The following LMBR1 variants were observed in gnomAD, a reference collection of about 807,000 sequenced individuals.
The protein encoded by LMBR1 is limb region 1 protein homolog.
Under a neutral mutation model 73.9 loss-of-function variants are expected in LMBR1, and 52 were observed. That is an observed-to-expected ratio of 0.70 (90% confidence interval 0.56 to 0.89). The LOEUF is 0.89. LMBR1 is among the 40% of genes least tolerant of loss of function. The pLI is 0.00. For synonymous variants in LMBR1, 215 were observed against 209.4 expected (o/e 1.03, Z -0.23); for missense variants, 539 against 579.8 (o/e 0.93, Z 0.72).
intron 15 of LMBR1, among the ~76,000 whole-genome samples, chr7:156,713,579 C>A (rs1451758955): frequency 6.6e-6 from 1 of 151,336 alleles, no homozygotes; most frequent in Non-Finnish European, 1.5e-5. Context: ...AAAAAAAAAA[C>A]AAAAGGCAAA....
intron 15 of LMBR1, among the ~76,000 whole-genome samples, chr7:156,723,221 T>C (rs778486559): frequency 4.6e-5 from 7 of 152,190 alleles, no homozygotes; most frequent in Non-Finnish European, 8.8e-5. Flanking sequence ...AAGCTTCTAC[T>C]TTCTTTGCAC....
chr7:156,716,458 G>T (rs138187971), intron 15 of LMBR1, among the ~76,000 whole-genome samples: 93 of 152,262 alleles, frequency 6.1e-4, no homozygotes, highest in African/African-American at 2.1e-3. Flanking sequence ...TCCAATGAAA[G>T]AGAATTATAA....
intron 1 of LMBR1, among the ~76,000 whole-genome samples, chr7:156,865,499 C>T (rs1798326327): frequency 6.6e-6 from 1 of 152,140 alleles, no homozygotes; most frequent in South Asian, 2.1e-4. Context: ...TGGGATAACA[C>T]TTCCCAAATT....
chr7:156,870,798 T>C (rs1799172199), intron 1 of LMBR1, among the ~76,000 whole-genome samples: 1 of 147,694 alleles, frequency 6.8e-6, no homozygotes, highest in Non-Finnish European at 1.5e-5. Flanking sequence ...AAAAACACAA[T>C]ATACCAAAAC....
chr7:156,825,167 GA>G (rs1474697676), intron 4 of LMBR1, among the ~76,000 whole-genome samples: 5 of 151,966 alleles, frequency 3.3e-5, no homozygotes, highest in Admixed American at 3.3e-4. Flanking sequence ...GTCAAAGGAG[GA>G]CATTTTACCA....
chr7:156,694,267 G>A (rs891650993), intron 15 of LMBR1, among the ~76,000 whole-genome samples: 1 of 151,990 alleles, frequency 6.6e-6, no homozygotes, highest in African/African-American at 2.4e-5. Context: ...CAGGTAGTTG[G>A]GACTATAGGC....
At chr7:156,787,333 A>C (rs950530005) in intron 5 of LMBR1, among the ~76,000 whole-genome samples, 24 of 152,266 alleles carry the variant, frequency 1.6e-4, no homozygotes, top group African/African-American at 5.8e-4. Context: ...TTCTTCAAAT[A>C]CTCAGAGATT....
chr7:156,839,612 G>A (rs1838285986), intron 1 of LMBR1, among the ~76,000 whole-genome samples: 1 of 152,174 alleles, frequency 6.6e-6, no homozygotes, highest in East Asian at 1.9e-4. Context: ...GTGGCCATAT[G>A]ACTGAGAACA....
chr7:156,746,716 C>T (rs1196643301), intron 9 of LMBR1, among the ~76,000 whole-genome samples: 1 of 151,980 alleles, frequency 6.6e-6, no homozygotes, highest in Non-Finnish European at 1.5e-5. Context: ...TAGAGCAATA[C>T]CTAAGGGAGA....
At position 156,762,192 on chromosome 7, in the gene LMBR1, G is replaced by T; in HGVS notation, c.626C>A (p.Thr209Lys). Residue 209 changes from threonine to lysine, a missense_variant, in exon 8 of 17, where the codon ACA (threonine) becomes AAA (lysine). Transcript: ENST00000353442. The part of the protein sequence containing the change: ...LMGCLLLLLC[T>K]PVGLSRMFTV... ...GAACATACGAGAAAGGCCAACTGGT[G>T]TACACACTGCAGAAATAAGATCACC... 6.2e-7 allele frequency: 1 copy of T among 1,606,790 alleles called. No individual in the cohort carries two copies. Among genetic ancestry groups the T allele is most frequent in the Non-Finnish European group, 8.5e-7 (1 of 1,174,496 alleles).
At position 156,680,369 on chromosome 7, in the gene LMBR1, T is replaced by TCAGAGACA. The variant is rs1804794275; in HGVS notation, c.*3708_*3709insTGTCTCTG. ...TGTTAAATTTTTGCTTATACGTATCTGAGAGACAGAGAGAGAGAGAGAGAG... is the reference window on the plus strand; with the variant it reads ...TGTTAAATTTTTGCTTATACGTATCTCAGAGACAGAGAGACAGAGAGAGAGAGAGAGAG... On this transcript the variant is annotated 3_prime_UTR_variant, in exon 17 of 17. Coordinates refer to ENST00000353442, the MANE Select transcript of LMBR1 (RefSeq NM_022458.4). The TCAGAGACA allele has an allele frequency of 1.3e-5, 1 of 77,200 alleles. No homozygotes were observed. The highest frequency in any genetic ancestry group is 5.1e-5 in the African/African-American group (1 of 19,476). 4.8% of individuals were successfully genotyped at this position (77,200 alleles called of 1,614,324 possible).
chr7:156,724,289 C>T (rs960694908), intron 14 of LMBR1, 111 bp from the exon 15 acceptor site: 9 of 738,002 alleles, frequency 1.2e-5, no homozygotes, highest in Non-Finnish European at 2.0e-5. Context: ...GTGTACTTTG[C>T]CGATTTCTTA....
At chr7:156,738,283 T>C (rs1180138818) in intron 9 of LMBR1, among the ~76,000 whole-genome samples, 1 of 152,118 alleles carries the variant, frequency 6.6e-6, no homozygotes, top group Non-Finnish European at 1.5e-5. Flanking sequence ...AGAAGGAGCA[T>C]GTGGACCAGC....
intron 15 of LMBR1, among the ~76,000 whole-genome samples, chr7:156,714,341 C>G (rs776721888): frequency 1.3e-5 from 2 of 152,188 alleles, no homozygotes; most frequent in East Asian, 1.9e-4. Flanking sequence ...CATGGCTGAG[C>G]TGAGTCTTGA....
chr7:156,788,237 C>T (rs1828511072), intron 5 of LMBR1, among the ~76,000 whole-genome samples: 1 of 152,048 alleles, frequency 6.6e-6, no homozygotes, highest in Non-Finnish European at 1.5e-5. Flanking sequence ...GAGTTGGAGA[C>T]CAGCCTGAGC....
chr7:156,748,997 G>T (rs915919329), intron 9 of LMBR1, among the ~76,000 whole-genome samples: 26 of 152,134 alleles, frequency 1.7e-4, no homozygotes, highest in African/African-American at 6.3e-4. Context: ...GTGAATAACG[G>T]CCCAAGAAGC....
At chr7:156,870,373 T>C (rs1000427241) in intron 1 of LMBR1, among the ~76,000 whole-genome samples, 1 of 152,176 alleles carries the variant, frequency 6.6e-6, no homozygotes, top group Non-Finnish European at 1.5e-5. Context: ...ATTTTCTGAC[T>C]ATAAAAGAAT....
chr7:156,825,714 C>T (rs1395099801), intron 4 of LMBR1, among the ~76,000 whole-genome samples: 1 of 152,176 alleles, frequency 6.6e-6, no homozygotes, highest in Admixed American at 6.5e-5. Flanking sequence ...AAATAACTAT[C>T]ATAATAGCTA....
intron 8 of LMBR1, among the ~76,000 whole-genome samples, chr7:156,759,894 G>A (rs1295525336): frequency 1.3e-5 from 2 of 152,190 alleles, no homozygotes; most frequent in African/African-American, 4.8e-5. Flanking sequence ...GGACCACACA[G>A]TCTAAGCTAA....
Sources: allele counts gnomAD v4.1 joint callset (sites outside exome capture counted in the v4.1 genomes callset), GRCh38; gene constraint gnomAD v4.1.1; transcripts MANE v1.5; gene names NCBI Gene and HGNC (gene_info 2026-07-23, HGNC 2026-07-21).